HNRNPA2B1: variants seen among roughly 807,000 people sequenced by gnomAD.
HNRNPA2B1 encodes heterogeneous nuclear ribonucleoproteins A2/B1.
A neutral mutation model predicts 46.3 loss-of-function variants in HNRNPA2B1; 3 were observed. The observed-to-expected ratio is 0.06, with a 90% confidence interval of 0.03 to 0.17. The LOEUF (loss-of-function observed/expected upper bound fraction) is 0.17. Among genes scored for constraint, HNRNPA2B1 ranks in the 10% least tolerant of loss-of-function variants. HNRNPA2B1 has a pLI of 1.00. For missense variants in HNRNPA2B1, 221 were observed against 418.9 expected (o/e 0.53, Z 4.12); for synonymous variants, 225 against 133.8 (o/e 1.68, Z -4.70).
intron 2 of HNRNPA2B1, 28 bp from the exon 3 acceptor site, chr7:26,197,489 A>G (rs1289770622): frequency 6.2e-7 from 1 of 1,608,286 alleles, no homozygotes; most frequent in Non-Finnish European, 8.5e-7. Context: ...AAACTTTAGC[A>G]TTTAATCTCA....
At chr7:26,195,621 T>C (rs1304680183) in intron 7 of HNRNPA2B1, 2 of 520,866 alleles carry the variant, frequency 3.8e-6, no homozygotes, top group Non-Finnish European at 6.7e-6. Context: ...AAAGATGAGA[T>C]ACTCTGATGG....
chr7:26,196,510 G>GC, intron 5 of HNRNPA2B1, 29 bp from the exon 6 acceptor site: 4 of 1,613,278 alleles, frequency 2.5e-6, no homozygotes, highest in Non-Finnish European at 3.4e-6. Context: ...TTAGAAGCAA[G>GC]CCCTTATATA....
chr7:26,195,616 T>C, intron 7 of HNRNPA2B1: 3 of 512,084 alleles, frequency 5.9e-6, no homozygotes, highest in South Asian at 2.5e-5. Flanking sequence ...TGAGAAAAGA[T>C]GAGATACTCT....
chr7:26,193,285 A>C lies in HNRNPA2B1; in HGVS notation c.930T>G (p.Gly310=). 6.2e-7 allele frequency: 1 copy of C among 1,613,642 alleles called. No individual in the cohort carries two copies. The highest frequency in any genetic ancestry group is 8.5e-7 in the Non-Finnish European group (1 of 1,179,668). Residue 310 remains glycine (G), a synonymous_variant, in exon 9 of 11, where the codon GGT becomes GGG. Transcript: ENST00000618183. ...NYGPMKSGNF[G]GSRNMGGPYG... ...ATGGTCCCCCCATGTTCCTGCTACC[A>C]CCAAAGTTTCCACTCTTCATTGGAC...
chr7:26,200,738 G>A lies in HNRNPA2B1; in HGVS notation c.-161C>T, dbSNP rs575808040. The A allele has an allele frequency of 1.5e-5, 13 of 863,456 alleles. No homozygotes were observed. The East Asian group carries it at 2.0e-4, about 13-fold the overall frequency. The allele number at this position is 863,456 out of a possible 1,614,324, so 53.5% of individuals were successfully genotyped here. A position where few individuals can be genotyped will look rare whatever the true frequency, so the allele number is the denominator to read the frequency against. On this transcript the variant is annotated 5_prime_UTR_variant, in exon 1 of 11. Transcript: ENST00000618183. ...GCACCTCCGCACGGGACCCGGCGCT[G>A]CTGCTACTGCCGCTAGAGCCGCTGC...
At chr7:26,200,153 G>A (rs1784231590) in intron 1 of HNRNPA2B1, 2 of 215,400 alleles carry the variant, frequency 9.3e-6, no homozygotes, top group South Asian at 1.5e-4. Context: ...CGCCAAATCC[G>A]GTTCCCGGGA....
chr7:26,199,598 G>A (rs922765932), intron 1 of HNRNPA2B1: 1 of 152,126 alleles, frequency 6.6e-6, no homozygotes, highest in African/African-American at 2.4e-5. Flanking sequence ...GAATCCTTAA[G>A]AACAGTAAAG....
intron 1 of HNRNPA2B1, chr7:26,199,217 T>A (rs1002302122): frequency 9.8e-5 from 15 of 152,702 alleles, no homozygotes; most frequent in African/African-American, 3.6e-4. Context: ...TTACCCGATG[T>A]CCACTATCGA....
At chr7:26,195,443 GA>G (rs1302943717) in intron 7 of HNRNPA2B1, among the ~76,000 whole-genome samples, 2 of 152,196 alleles carry the variant, frequency 1.3e-5, no homozygotes, top group Non-Finnish European at 2.9e-5. Flanking sequence ...TACGCTTTTT[GA>G]AAGTTATCCT....
At chr7:26,197,949 C>CCCG in intron 1 of HNRNPA2B1, 2 of 739,306 alleles carry the variant, frequency 2.7e-6, no homozygotes, top group South Asian at 2.8e-5. Flanking sequence ...AAAATTGCCT[C>CCCG]AGCTGATCTA....
chr7:26,197,787 G>A (rs745657332), intron 1 of HNRNPA2B1, 55 bp from the exon 2 acceptor site: 66 of 1,599,758 alleles, frequency 4.1e-5, no homozygotes, highest in Non-Finnish European at 5.0e-5. Context: ...TTTGTATGCA[G>A]GAAATTAAAT....
At chr7:26,193,821 G>A in intron 7 of HNRNPA2B1, 127 bp from the exon 8 acceptor site, 1 of 840,584 alleles carries the variant, frequency 1.2e-6, no homozygotes, top group South Asian at 1.6e-5. Flanking sequence ...CTCTAAAATA[G>A]CTTCAAGGAC....
At chr7:26,192,790 G>C (rs1437700446) in intron 9 of HNRNPA2B1, among the ~76,000 whole-genome samples, 1 of 152,042 alleles carries the variant, frequency 6.6e-6, no homozygotes, top group Non-Finnish European at 1.5e-5. Context: ...TTTAAATAAA[G>C]GGTCCTTTCA....
intron 7 of HNRNPA2B1, 173 bp downstream of exon 7, chr7:26,195,674 G>T: frequency 1.6e-6 from 1 of 633,418 alleles, no homozygotes; most frequent in Non-Finnish European, 2.7e-6. Flanking sequence ...TATTCCTTAG[G>T]CTATAACAGC....
chr7:26,195,277 C>G (rs1038062507), intron 7 of HNRNPA2B1, among the ~76,000 whole-genome samples: 5 of 152,136 alleles, frequency 3.3e-5, no homozygotes, highest in Admixed American at 6.6e-5. Flanking sequence ...AAGTCTATTA[C>G]CAGCTCAGTT....
At chr7:26,198,430 A>T (rs1240226343) in intron 1 of HNRNPA2B1, 1 of 152,502 alleles carries the variant, frequency 6.6e-6, no homozygotes, top group Non-Finnish European at 1.5e-5. Context: ...TCGAAGCTTA[A>T]AAAGTTTAAT....
At chr7:26,198,782 T>G (rs1218857375) in intron 1 of HNRNPA2B1, 1 of 152,230 alleles carries the variant, frequency 6.6e-6, no homozygotes, top group Non-Finnish European at 1.5e-5. Flanking sequence ...AAACGCATAA[T>G]GCAAACTAAA....
At position 26,191,145 on chromosome 7, in the gene HNRNPA2B1, G is replaced by A. The variant is rs1284559476; in HGVS notation, c.*1215C>T. 3.4e-5 allele frequency: 4 copies of A among 116,108 alleles called. No homozygotes were observed. Among genetic ancestry groups the A allele is most frequent in the African/African-American group, 9.7e-5 (3 of 30,890 alleles). The allele number at this position is 116,108 out of a possible 1,614,324, so 7.2% of individuals were successfully genotyped here. On this transcript the variant is annotated 3_prime_UTR_variant, in exon 11 of 11. Transcript: ENST00000618183. ...ATATCAATGCTAAAATTCCGGCAGG[G>A]AAAAAAATGATATGTTAAGCACCCA...
rs529200935 is a variant in HNRNPA2B1 at position 26,200,394 on chromosome 7, G to A, written c.6+178C>T. 6.2e-5 allele frequency: 43 copies of A among 699,168 alleles called. 1 individual carries two copies. Among genetic ancestry groups the A allele is most frequent in the African/African-American group, 7.0e-5 (4 of 57,290 alleles). The allele number at this position is 699,168 out of a possible 1,614,324, so 43.3% of individuals were successfully genotyped here. A position where few individuals can be genotyped will look rare whatever the true frequency, so the allele number is the denominator to read the frequency against. On this transcript the variant is annotated intron_variant, in intron 1 of 10. Transcript: ENST00000618183. ...GCGCCGGGAGGCTGAGGGTGGGGAA[G>A]CTGTTTGTACGCTCAGGCCTCCGCT...
Sources: gnomAD v4.1 joint callset for allele counts (sites outside exome capture counted in the v4.1 genomes callset) on GRCh38, gnomAD v4.1.1 for gene constraint, MANE v1.5 for transcripts, NCBI Gene and HGNC (gene_info 2026-07-23, HGNC 2026-07-21) for gene names.